Variants in ZNF638 observed in about 807,000 individuals in gnomAD.
ZNF638 encodes CTCL tumor antigen se33-1.
In ZNF638, 46 loss-of-function variants were observed where a neutral mutation model predicts 195.6. The ratio of observed to expected loss-of-function variants is 0.24; its 90% CI spans 0.19 to 0.30. ZNF638 has a LOEUF of 0.30. Ranked by LOEUF, ZNF638 falls within the 10% of genes least tolerant of loss-of-function variation. The pLI is 1.00. For synonymous variants in ZNF638, 845 were observed against 772.0 expected (o/e 1.09, Z -1.57); for missense variants, 2,440 against 2,325.3 (o/e 1.05, Z -1.01).
chr2:71,363,852 A>G (rs1038088437), intron 4 of ZNF638, 102 bp from the exon 5 acceptor site: 1 of 1,353,570 alleles, frequency 7.4e-7, no homozygotes, highest in Non-Finnish European at 9.9e-7. Context: ...AGAGTTTGGT[A>G]TTGTTAACAG....
At chr2:71,364,845 T>G (rs1361496959) in intron 5 of ZNF638, among the ~76,000 whole-genome samples, 1 of 152,248 alleles carries the variant, frequency 6.6e-6, no homozygotes, top group East Asian at 1.9e-4. Flanking sequence ...ATTGGGGTCC[T>G]CAAGATCTTT....
intron 3 of ZNF638, among the ~76,000 whole-genome samples, chr2:71,358,263 C>T (rs890721975): frequency 6.6e-6 from 1 of 152,202 alleles, no homozygotes; most frequent in Non-Finnish European, 1.5e-5. Flanking sequence ...AGTTTGATTA[C>T]ATCTGCAAAG....
intron 26 of ZNF638, among the ~76,000 whole-genome samples, chr2:71,432,001 G>A (rs936043038): frequency 6.6e-6 from 1 of 152,144 alleles, no homozygotes; most frequent in African/African-American, 2.4e-5. Context: ...GGTGAGAATT[G>A]AGTTATATTT....
At chr2:71,333,833 T>C (rs988349909) in intron 1 of ZNF638, among the ~76,000 whole-genome samples, 23 of 152,220 alleles carry the variant, frequency 1.5e-4, no homozygotes, top group African/African-American at 5.3e-4. Flanking sequence ...AGTGAGACAG[T>C]GTATGGAAAG....
At position 71,349,430 on chromosome 2, in the gene ZNF638, G is replaced by T. The variant is rs781350176; in HGVS notation, c.476G>T (p.Arg159Leu). ...LSNEDLEELS[R>L]YPDEQLTPEN... Reference sequence around the variant, plus strand: ...AATGAAGACCTAGAAGAACTTAGTCGCTATCCTGATGAACAACTAACTCCT... The same window carrying T: ...AATGAAGACCTAGAAGAACTTAGTCTCTATCCTGATGAACAACTAACTCCT... The change falls in exon 2 of 28, where the codon CGC (arginine) becomes CTC (leucine). Residue 159 changes from arginine (R) to leucine (L), a missense_variant. Arg to Leu is a moderately radical substitution (Grantham distance 102). Around this residue, in one of 5 missense-constraint regions of ZNF638, gnomAD observed 24 missense variants for 53.1 expected, o/e 0.45. Transcript: ENST00000264447. The T allele has an allele frequency of 6.2e-7, 1 of 1,614,100 alleles. No homozygotes were observed. The highest frequency in any genetic ancestry group is 1.1e-5 in the South Asian group (1 of 91,078).
At chr2:71,400,568 A>G (rs779356477) in intron 15 of ZNF638, 50 bp downstream of exon 15, 3 of 1,492,680 alleles carry the variant, frequency 2.0e-6, no homozygotes, top group Non-Finnish European at 2.7e-6. Context: ...ACATTTTAAC[A>G]AAAGATATTT....
rs1179978518 is a variant in ZNF638, at chr2:71,423,826, G to T, written c.4312G>T (p.Gly1438Cys). 8.1e-6 allele frequency: 13 copies of T among 1,613,958 alleles called. No individual in the cohort carries two copies. The Admixed American group carries it at 2.0e-4, about 25-fold the overall frequency. Reference protein sequence around the residue: ...AEKKLSAKEFGLLKPTSARSG... With the variant: ...AEKKLSAKEFCLLKPTSARSG... ...AAAGAAACTTTCAGCCAAGGAATTT[G>T]GTCTGCTTAAACCCACAAGTGCCAG... The change falls in exon 22 of 28, where the codon GGT (glycine) becomes TGT (cysteine). Residue 1438 changes from glycine (G) to cysteine (C), a missense_variant. Coordinates refer to ENST00000264447, the MANE Select transcript of ZNF638 (RefSeq NM_014497.5).
intron 24 of ZNF638, among the ~76,000 whole-genome samples, chr2:71,428,306 A>T (rs573724143): frequency 2.6e-5 from 4 of 152,336 alleles, no homozygotes; most frequent in Admixed American, 2.6e-4. Context: ...ATCCTGGGAA[A>T]AGAAGTTAGA....
At chr2:71,412,003 G>A (rs1399751223) in intron 20 of ZNF638, among the ~76,000 whole-genome samples, 1 of 113,448 alleles carries the variant, frequency 8.8e-6, no homozygotes, top group Admixed American at 9.2e-5. Flanking sequence ...TAATGGGATG[G>A]CTGGGTCAAA....
At chr2:71,434,470 C>G (rs1241325760) in intron 27 of ZNF638, among the ~76,000 whole-genome samples, 1 of 152,094 alleles carries the variant, frequency 6.6e-6, no homozygotes, top group Non-Finnish European at 1.5e-5. Context: ...TTTATTGTTT[C>G]TCTTCTCCCA....
In ZNF638 at chr2:71,402,031, T is replaced by A; in HGVS notation, c.2773T>A (p.Leu925Ile). ...ATATTCTGTAGAAGAAGTTTATGAC[T>A]TAGCAAAACCATTTGGTGGTTTAAA... is the stretch of plus-strand genomic sequence containing the variant. The part of the protein sequence containing the change: ...KGYSVEEVYD[L>I]AKPFGGLKDI... Residue 925 changes from leucine to isoleucine, a missense_variant, in exon 16 of 28, where the codon TTA becomes ATA. By Grantham distance (5) the Leu-to-Ile change is conservative (BLOSUM62 2). Coordinates refer to ENST00000264447, the MANE Select transcript of ZNF638 (RefSeq NM_014497.5). The A allele has an allele frequency of 6.2e-7, 1 of 1,608,760 alleles. No individual in the cohort carries two copies. The highest frequency in any genetic ancestry group is 8.5e-7 in the Non-Finnish European group (1 of 1,177,108).
At chr2:71,357,735 T>C (rs936035009) in intron 3 of ZNF638, among the ~76,000 whole-genome samples, 3 of 152,196 alleles carry the variant, frequency 2.0e-5, no homozygotes, top group Non-Finnish European at 4.4e-5. Flanking sequence ...GCTACTTTAA[T>C]GTTCTACTCT....
intron 21 of ZNF638, among the ~76,000 whole-genome samples, chr2:71,422,113 C>T (rs1236327089): frequency 6.6e-6 from 1 of 151,938 alleles, no homozygotes; most frequent in Non-Finnish European, 1.5e-5. Flanking sequence ...TTTTTTAATG[C>T]ATTTCTTCTT....
rs1273980971 is a variant in ZNF638 at position 71,428,805 on chromosome 2, TGATCTTTGTAATGTA to T, written c.5650+157_5650+171del. 16 of 570,966 alleles carry T rather than the reference TGATCTTTGTAATGTA, an allele frequency of 2.8e-5. No individual in the cohort carries two copies. The East Asian group carries it at 4.4e-4, about 16-fold the overall frequency. The allele number at this position is 570,966 out of a possible 1,614,324, so 35.4% of individuals were successfully genotyped here. On this transcript the variant is annotated intron_variant, in intron 25 of 27. Transcript: ENST00000264447. ...TAGTTATTAGATGTGGGTAACATTTTGATCTTTGTAATGTAGAGAGAATGGATTATTGATATTAGA... is the reference window on the plus strand; with the variant it reads ...TAGTTATTAGATGTGGGTAACATTTTGAGAGAATGGATTATTGATATTAGA...
chr2:71,363,630 T>A (rs2079146234), intron 4 of ZNF638, among the ~76,000 whole-genome samples: 1 of 152,246 alleles, frequency 6.6e-6, no homozygotes, highest in African/African-American at 2.4e-5. Context: ...TCCTAAATTC[T>A]TTACATAATT....
At chr2:71,434,571 A>G (rs566445777) in intron 27 of ZNF638, among the ~76,000 whole-genome samples, 171 bp from the exon 28 acceptor site, 28 of 152,338 alleles carry the variant, frequency 1.8e-4, no homozygotes, top group Admixed American at 1.6e-3. Context: ...GGTGTGTCAT[A>G]AACATCAAAT....
chr2:71,391,432 C>A (rs1444392569), intron 10 of ZNF638, among the ~76,000 whole-genome samples: 1 of 152,194 alleles, frequency 6.6e-6, no homozygotes, highest in Admixed American at 6.5e-5. Flanking sequence ...GTGTCAGCAT[C>A]ATGTAAATCA....
intron 6 of ZNF638, among the ~76,000 whole-genome samples, chr2:71,368,044 A>C (rs1420765668): frequency 6.6e-6 from 1 of 151,970 alleles, no homozygotes; most frequent in African/African-American, 2.4e-5. Flanking sequence ...ATGTAGTTTC[A>C]TAGAAAAATT....
At chr2:71,392,111 A>G (rs1437253746) in intron 10 of ZNF638, among the ~76,000 whole-genome samples, 1 of 152,210 alleles carries the variant, frequency 6.6e-6, no homozygotes, top group African/African-American at 2.4e-5. Context: ...TGTCATAAGA[A>G]TTTTCTTGAG....
Sources: gnomAD v4.1 joint callset for allele counts (sites outside exome capture counted in the v4.1 genomes callset) on GRCh38, gnomAD v4.1.1 for gene constraint, gnomAD v4.1.1 regional missense constraint, MANE v1.5 for transcripts, NCBI Gene and HGNC (gene_info 2026-07-23, HGNC 2026-07-21) for gene names.